TENM3: variants seen among roughly 807,000 people sequenced by gnomAD.
TENM3 encodes the protein teneurin transmembrane protein 3.
TENM3 carries 63 observed loss-of-function variants against 255.1 expected under a neutral mutation model. The ratio of observed to expected loss-of-function variants is 0.25; its 90% CI spans 0.20 to 0.30. The LOEUF (loss-of-function observed/expected upper bound fraction) is 0.30. Ranked by LOEUF, TENM3 falls within the 10% of genes least tolerant of loss-of-function variation. The pLI is 1.00. For missense variants in TENM3, 2,929 were observed against 3,461.1 expected (o/e 0.85, Z 3.86); for synonymous variants, 1,306 against 1,322.3 (o/e 0.99, Z 0.27).
the TENM3 span, among the ~76,000 whole-genome samples, chr4:181,821,370 A>G: frequency 1.3e-5 from 2 of 152,162 alleles, no homozygotes; most frequent in Non-Finnish European, 2.9e-5. Flanking sequence ...GTGTTTTGTC[A>G]CAGTTCTCAT....
intron 3 of TENM3, among the ~76,000 whole-genome samples, chr4:182,598,023 T>G (rs1338738287): frequency 2.0e-5 from 3 of 152,032 alleles, no homozygotes; most frequent in Non-Finnish European, 4.4e-5. Context: ...CTACAAAAAA[T>G]TTAAAAATTA....
intron 13 of TENM3, among the ~76,000 whole-genome samples, chr4:182,727,766 T>A (rs1033611421): frequency 6.6e-6 from 1 of 152,084 alleles, no homozygotes; most frequent in Non-Finnish European, 1.5e-5. Context: ...AATTAATACC[T>A]CCATTTTAGT....
chr4:181,506,538 G>A, the TENM3 span, among the ~76,000 whole-genome samples: 16,029 of 152,112 alleles, frequency 0.11, 877 homozygotes, highest in Middle Eastern at 0.16. Context: ...GTCAAGGGAT[G>A]GGGAAAACCG....
chr4:181,861,145 A>C, the TENM3 span, among the ~76,000 whole-genome samples: 18 of 152,318 alleles, frequency 1.2e-4, no homozygotes, highest in East Asian at 3.1e-3. Flanking sequence ...TTTTACAAGA[A>C]CACTGTAAAC....
At chr4:182,499,854 A>G (rs953139913) in intron 3 of TENM3, among the ~76,000 whole-genome samples, 3 of 152,158 alleles carry the variant, frequency 2.0e-5, no homozygotes, top group Non-Finnish European at 2.9e-5. Flanking sequence ...TTTTTTCTTT[A>G]TAACATTTAC....
the TENM3 span, among the ~76,000 whole-genome samples, chr4:181,852,970 T>TA: frequency 6.6e-6 from 1 of 152,086 alleles, no homozygotes; most frequent in African/African-American, 2.4e-5. Flanking sequence ...GAATAAATAA[T>TA]AAAAGCCAGG....
chr4:181,943,227 T>A, the TENM3 span, among the ~76,000 whole-genome samples: 1 of 152,166 alleles, frequency 6.6e-6, no homozygotes, highest in African/African-American at 2.4e-5. Flanking sequence ...TATAGATTAA[T>A]GTCAAGGTTC....
chr4:182,582,827 T>G (rs1745632610), intron 3 of TENM3, among the ~76,000 whole-genome samples: 1 of 152,162 alleles, frequency 6.6e-6, no homozygotes, highest in Non-Finnish European at 1.5e-5. Flanking sequence ...AAGAAAAAAT[T>G]CACATAAACA....
chr4:182,749,569 T>C (rs1300938626), intron 19 of TENM3, among the ~76,000 whole-genome samples: 1 of 152,202 alleles, frequency 6.6e-6, no homozygotes, highest in Non-Finnish European at 1.5e-5. Flanking sequence ...ATCTTACATA[T>C]ATAGTTCGTG....
the TENM3 span, among the ~76,000 whole-genome samples, chr4:181,744,596 AC>A: frequency 6.6e-6 from 1 of 152,298 alleles, no homozygotes; most frequent in East Asian, 1.9e-4. Context: ...AACAGACTAA[AC>A]AAGAGAAAGG....
At chr4:182,376,151 C>G (rs1767166395) in intron 3 of TENM3, among the ~76,000 whole-genome samples, 1 of 152,158 alleles carries the variant, frequency 6.6e-6, no homozygotes, top group African/African-American at 2.4e-5. Flanking sequence ...ATTGCTTCAG[C>G]AACATTTGCG....
chr4:182,270,863 A>G (rs1204111009), intron 1 of TENM3, among the ~76,000 whole-genome samples: 1 of 152,190 alleles, frequency 6.6e-6, no homozygotes, highest in East Asian at 1.9e-4. Context: ...AAACTGCAGT[A>G]TCTCTGACGC....
At chr4:181,922,116 T>C in the TENM3 span, among the ~76,000 whole-genome samples, 1 of 152,204 alleles carries the variant, frequency 6.6e-6, no homozygotes, top group African/African-American at 2.4e-5. Context: ...CTTTTTGATG[T>C]GCTGCTGGAT....
chr4:181,677,597 G>A, the TENM3 span, among the ~76,000 whole-genome samples: 14 of 152,006 alleles, frequency 9.2e-5, no homozygotes, highest in Non-Finnish European at 1.5e-4. Context: ...TGCTTTAAGT[G>A]CCTCCATTCA....
Position 182,161,415 on chromosome 4 carries a change from CAAA to C in TENM3, c.-76+16681_-76+16683del, listed in dbSNP as rs70954290. Among the ~76,000 whole-genome samples, 159 of 43,820 alleles carry C rather than the reference CAAA, an allele frequency of 3.6e-3. 5 individuals carry two copies. The highest frequency in any genetic ancestry group is 0.013 in the African/African-American group (124 of 9,720). The allele number at this position is 43,820 out of a possible 152,430, so 28.7% of individuals were successfully genotyped here. ...TGGGCGACAGAGCGAGACTCCGTCT[CAAA>C]AAAAAAAAAAAAAAAAAAATTAGCT... On this transcript the variant is annotated intron_variant, in intron 1 of 2. Transcript: ENST00000512480.
chr4:182,006,481 A>G, the TENM3 span, among the ~76,000 whole-genome samples: 1 of 151,944 alleles, frequency 6.6e-6, no homozygotes, highest in Non-Finnish European at 1.5e-5. Flanking sequence ...AAGAATTTAT[A>G]CATTTCTTCT....
intron 3 of TENM3, among the ~76,000 whole-genome samples, chr4:182,436,981 CTG>C (rs1360778860): frequency 1.4e-5 from 2 of 148,088 alleles, no homozygotes; most frequent in Non-Finnish European, 3.0e-5. Flanking sequence ...TGAGCCAAGA[CTG>C]TGCCATTGCA....
At chr4:181,577,531 T>C in the TENM3 span, among the ~76,000 whole-genome samples, 1 of 152,240 alleles carries the variant, frequency 6.6e-6, no homozygotes, top group Admixed American at 6.5e-5. Flanking sequence ...TTCCCAACAT[T>C]ATCTCTGCTC....
chr4:182,709,461 A>G (rs1163747233), intron 12 of TENM3, among the ~76,000 whole-genome samples: 1 of 152,222 alleles, frequency 6.6e-6, no homozygotes, highest in Non-Finnish European at 1.5e-5. Context: ...TATGCATTTC[A>G]GCAATTGTTA....
Sources: allele counts gnomAD v4.1 joint callset (sites outside exome capture counted in the v4.1 genomes callset), GRCh38; gene constraint gnomAD v4.1.1; transcripts MANE v1.5; gene names NCBI Gene and HGNC (gene_info 2026-07-23, HGNC 2026-07-21).